Variants in BCR observed in about 807,000 individuals in gnomAD.
BCR encodes BCR activator of RhoGEF and GTPase.
Under a neutral mutation model 138.6 loss-of-function variants are expected in BCR, and 58 were observed. The ratio of observed to expected loss-of-function variants is 0.42; its 90% CI spans 0.34 to 0.52. The LOEUF (loss-of-function observed/expected upper bound fraction) is 0.52. BCR is among the 20% of genes least tolerant of loss of function. The pLI, the probability that BCR is intolerant of heterozygous loss-of-function variation, is 0.06. For synonymous variants in BCR, 786 were observed against 730.1 expected, an observed-to-expected ratio of 1.08 and a Z score of -1.23; for missense variants, 1,599 against 1,727.2, an observed-to-expected ratio of 0.93 and a Z score of 1.32.
At chr22:23,238,877 G>T (rs763601863) in intron 1 of BCR, among the ~76,000 whole-genome samples, 7 of 149,618 alleles carry the variant, frequency 4.7e-5, no homozygotes, top group African/African-American at 1.7e-4. Context: ...CAAGGGGGGT[G>T]GGGGGCAGGT....
intron 1 of BCR, among the ~76,000 whole-genome samples, chr22:23,235,909 T>TCA (rs767502774): frequency 1.6e-4 from 25 of 152,166 alleles, no homozygotes; most frequent in Non-Finnish European, 2.8e-4. Flanking sequence ...CCTGACCTAA[T>TCA]CACCCCCAAA....
chr22:23,184,324 C>G lies in BCR; in HGVS notation c.1279+2085C>G, dbSNP rs115308471. ...CAGGCTGGTATCAAACTCCTGGGCT[C>G]AAGCATTCCTCTAGCTTCAGCCTCC... On this transcript the variant is annotated intron_variant, in intron 1 of 22. Transcript: ENST00000305877. Among the ~76,000 whole-genome samples the G allele has an allele frequency of 2.1e-3, 320 of 152,104 alleles. 2 individuals carry two copies. The highest frequency in any genetic ancestry group is 7.3e-3 in the African/African-American group (303 of 41,476).
rs1271133620 is a variant in BCR at position 23,315,422 on chromosome 22, T to C, written c.3727-11T>C. 4.3e-6 allele frequency: 7 copies of C among 1,613,258 alleles called. No individual in the cohort carries two copies. The highest frequency in any genetic ancestry group is 1.7e-4 in the Middle Eastern group (1 of 5,854). ...TGAGCCACTCTTCTCTTCCCTACTC[T>C]GCCCGGGCAGGTCCAGGTGCTGCTG... is the stretch of plus-strand genomic sequence containing the variant. On this transcript the variant is annotated splice_polypyrimidine_tract_variant and intron_variant, in intron 22 of 22. Transcript: ENST00000305877.
chr22:23,221,581 GA>G (rs2072825133), intron 1 of BCR, among the ~76,000 whole-genome samples: 1 of 152,238 alleles, frequency 6.6e-6, no homozygotes, highest in African/African-American at 2.4e-5. Flanking sequence ...GAGGCCACAC[GA>G]GGATGCTCAC....
chr22:23,232,394 A>T (rs555972849), intron 1 of BCR, among the ~76,000 whole-genome samples: 2 of 152,358 alleles, frequency 1.3e-5, no homozygotes, highest in East Asian at 3.9e-4. Flanking sequence ...CAAGGTCTGC[A>T]CTGCCCAGCT....
chr22:23,210,562 C>T (rs2072669731), intron 1 of BCR, among the ~76,000 whole-genome samples: 1 of 152,142 alleles, frequency 6.6e-6, no homozygotes, highest in African/African-American at 2.4e-5. Context: ...GGTGTGACAG[C>T]GTTCTGTAGC....
At chr22:23,271,985 C>T (rs142091400) in intron 6 of BCR, among the ~76,000 whole-genome samples, 2,077 of 152,164 alleles carry the variant, frequency 0.014, 41 homozygotes, top group African/African-American at 0.048. Flanking sequence ...ACCACCACAG[C>T]CAGCTAATTT....
chr22:23,300,061 G>A (rs1217117228), intron 16 of BCR, among the ~76,000 whole-genome samples: 1 of 152,176 alleles, frequency 6.6e-6, no homozygotes, highest in Non-Finnish European at 1.5e-5. Context: ...TTTTAAGTGT[G>A]CAGTTCAGTG....
intron 1 of BCR, among the ~76,000 whole-genome samples, chr22:23,229,189 C>T (rs1334299155): frequency 1.3e-5 from 2 of 151,964 alleles, no homozygotes; most frequent in Admixed American, 1.3e-4. Flanking sequence ...TCTAAAATTC[C>T]TATTTGGTTC....
At chr22:23,203,263 G>A (rs1251108437) in intron 1 of BCR, among the ~76,000 whole-genome samples, 3 of 152,172 alleles carry the variant, frequency 2.0e-5, no homozygotes, top group Admixed American at 2.0e-4. Context: ...ACCCTTGATG[G>A]CTGCTGCCAG....
At chr22:23,190,152 C>G (rs868631567) in intron 1 of BCR, among the ~76,000 whole-genome samples, 4 of 152,120 alleles carry the variant, frequency 2.6e-5, no homozygotes, top group Admixed American at 2.6e-4. Context: ...TGGCATCTCT[C>G]TGTGTCCAAA....
At chr22:23,303,923 C>T (rs1041205447) in intron 16 of BCR, among the ~76,000 whole-genome samples, 1 of 133,756 alleles carries the variant, frequency 7.5e-6, no homozygotes, top group Non-Finnish European at 1.6e-5. Context: ...CCCCAATTTC[C>T]TTGTTGCCTT....
chr22:23,295,174 C>T lies in BCR; in HGVS notation c.3012+19C>T. The T allele has an allele frequency of 6.2e-7, 1 of 1,612,928 alleles. No homozygotes were observed. Among genetic ancestry groups the T allele is most frequent in the Non-Finnish European group, 8.5e-7 (1 of 1,179,218 alleles). ...GGTCCAGGTGAGGCAGCCATCCCTA[C>T]CCTCCCCTGCCCGATGCATGGCGTC... On this transcript the variant is annotated intron_variant, in intron 16 of 22. Coordinates refer to ENST00000305877, the MANE Select transcript of BCR (RefSeq NM_004327.4).
intron 1 of BCR, among the ~76,000 whole-genome samples, chr22:23,229,149 A>AC (rs2072924965): frequency 1.3e-5 from 2 of 150,500 alleles, no homozygotes; most frequent in African/African-American, 4.9e-5. Context: ...CTGCTGTTGA[A>AC]CCCCTCCAGG....
At chr22:23,196,910 C>T (rs1454528111) in intron 1 of BCR, among the ~76,000 whole-genome samples, 1 of 152,210 alleles carries the variant, frequency 6.6e-6, no homozygotes, top group Non-Finnish European at 1.5e-5. Context: ...GGACTGATAC[C>T]AGTTCATGGC....
intron 1 of BCR, among the ~76,000 whole-genome samples, chr22:23,227,854 G>C (rs886390432): frequency 6.6e-6 from 1 of 152,232 alleles, no homozygotes; most frequent in Non-Finnish European, 1.5e-5. Flanking sequence ...TCGTGGTTCT[G>C]TCTGCCTCAG....
At chr22:23,249,329 G>A (rs960005241) in intron 1 of BCR, among the ~76,000 whole-genome samples, 1 of 151,992 alleles carries the variant, frequency 6.6e-6, no homozygotes, top group Non-Finnish European at 1.5e-5. Context: ...CTACTCCGGA[G>A]GCTGAGGCAG....
intron 14 of BCR, 112 bp from the exon 15 acceptor site, chr22:23,292,427 CTT>C (rs1001439053): frequency 5.0e-6 from 4 of 796,138 alleles, no homozygotes; most frequent in Admixed American, 5.1e-5. Flanking sequence ...AAGTTACAAC[CTT>C]TTTTTTTTAT....
chr22:23,206,265 T>A (rs2072611545), intron 1 of BCR, among the ~76,000 whole-genome samples: 1 of 152,160 alleles, frequency 6.6e-6, no homozygotes, highest in Admixed American at 6.5e-5. Context: ...TTGTTTGAAA[T>A]TTTCCAGGAT....
Sources: allele counts gnomAD v4.1 joint callset (sites outside exome capture counted in the v4.1 genomes callset), GRCh38; gene constraint gnomAD v4.1.1; transcripts MANE v1.5; gene names NCBI Gene and HGNC (gene_info 2026-07-23, HGNC 2026-07-21).